The following DNAH11 variants were observed in gnomAD, a reference collection of about 807,000 sequenced individuals.
DNAH11 encodes the protein axonemal beta dynein heavy chain 11.
A neutral mutation model predicts 526.0 loss-of-function variants in DNAH11; 442 were observed. The ratio of observed to expected loss-of-function variants is 0.84; its 90% CI spans 0.78 to 0.91. The LOEUF is 0.91. Among genes scored for constraint, DNAH11 ranks in the 40% least tolerant of loss-of-function variants. DNAH11 has a pLI of 0.00. For synonymous variants in DNAH11, 2,461 were observed against 1,935.9 expected, an observed-to-expected ratio of 1.27 and a Z score of -7.12; for missense variants, 6,989 against 5,448.7, an observed-to-expected ratio of 1.28 and a Z score of -8.90.
At chr7:21,622,509 C>T (rs1215034099) in intron 25 of DNAH11, among the ~76,000 whole-genome samples, 2 of 152,140 alleles carry the variant, frequency 1.3e-5, no homozygotes, top group Non-Finnish European at 2.9e-5. Flanking sequence ...CCCGCATTGC[C>T]AAGTCAATCC....
rs77707903 is a variant in DNAH11 at position 21,806,165 on chromosome 7, T to C, written c.10166-1718T>C. Among the ~76,000 whole-genome samples the C allele has an allele frequency of 9.5e-3, 1,442 of 152,340 alleles. 16 individuals carry two copies. The highest frequency in any genetic ancestry group is 0.033 in the African/African-American group (1,359 of 41,580). ...AGCCAATGTCAGTAATGATTTATGTTGCATGGATACTATAGCAAAATTATT... is the reference window on the plus strand; with the variant it reads ...AGCCAATGTCAGTAATGATTTATGTCGCATGGATACTATAGCAAAATTATT... On this transcript the variant is annotated intron_variant, in intron 62 of 81. Coordinates refer to ENST00000409508, the MANE Select transcript of DNAH11 (RefSeq NM_001277115.2).
Position 21,742,130 on chromosome 7 carries a change from C to T in DNAH11, c.8118C>T (p.Tyr2706=), listed in dbSNP as rs1785933650. ...TACCCACGGCTATTAAATTCCACTA[C>T]ATCTTTAATCTGAGAGATTTATCAA... ...NFLPTAIKFH[Y]IFNLRDLSNV... is the part of the protein sequence containing the mutation. Residue 2706 remains tyrosine (Y), a synonymous_variant, in exon 49 of 82, where the codon TAC becomes TAT. Coordinates refer to ENST00000409508, the MANE Select transcript of DNAH11 (RefSeq NM_001277115.2). 6.2e-7 allele frequency: 1 copy of T among 1,613,882 alleles called. No homozygotes were observed. The highest frequency in any genetic ancestry group is 8.5e-7 in the Non-Finnish European group (1 of 1,179,816).
chr7:21,669,739 AG>A (rs2128469014), intron 30 of DNAH11, among the ~76,000 whole-genome samples: 1 of 152,070 alleles, frequency 6.6e-6, no homozygotes, highest in East Asian at 1.9e-4. Context: ...GTTTCTCTCA[AG>A]GTGCTTCATG....
intron 65 of DNAH11, among the ~76,000 whole-genome samples, chr7:21,826,412 A>AATAG: frequency 6.6e-6 from 1 of 152,320 alleles, no homozygotes; most frequent in South Asian, 2.1e-4. Flanking sequence ...AAAAGTTGGG[A>AATAG]GAAAATATAA....
rs1447263462 is a variant in DNAH11 at position 21,543,139 on chromosome 7, C to T, written c.-107C>T. On this transcript the variant is annotated 5_prime_UTR_variant, in exon 1 of 82. Coordinates refer to ENST00000409508, the MANE Select transcript of DNAH11 (RefSeq NM_001277115.2). ...AGACTAGGGTCTGCGCTCGCGGCGA[C>T]CGCGGAGGAGGGTGGGCGCCTGCGG... 5.6e-6 allele frequency: 8 copies of T among 1,433,804 alleles called. No individual in the cohort carries two copies. The highest frequency in any genetic ancestry group is 4.5e-6 in the Non-Finnish European group (5 of 1,101,098). The allele number at this position is 1,433,804 out of a possible 1,614,324, so 88.8% of individuals were successfully genotyped here. A position where few individuals can be genotyped will look rare whatever the true frequency, so the allele number is the denominator to read the frequency against.
intron 44 of DNAH11, among the ~76,000 whole-genome samples, chr7:21,724,358 A>C (rs745675597): frequency 6.6e-6 from 1 of 152,218 alleles, no homozygotes; most frequent in Non-Finnish European, 1.5e-5. Flanking sequence ...ATGGTGGGGC[A>C]AGCTCTCCCT....
chr7:21,814,613 G>T (rs10254186), intron 63 of DNAH11, among the ~76,000 whole-genome samples: 60,982 of 149,516 alleles, frequency 0.41, 13,194 homozygotes, highest in East Asian at 0.82. Context: ...AGAATATGCG[G>T]TGTTTGGTTT....
intron 22 of DNAH11, 67 bp from the exon 23 acceptor site, chr7:21,617,552 A>G: frequency 6.5e-7 from 1 of 1,548,188 alleles, no homozygotes; most frequent in African/African-American, 1.4e-5. Context: ...ATGTCAAAGG[A>G]GGCAAATTAT....
chr7:21,681,502 T>C, intron 30 of DNAH11, 44 bp from the exon 31 acceptor site: 1 of 1,586,802 alleles, frequency 6.3e-7, no homozygotes, highest in Non-Finnish European at 8.6e-7. Flanking sequence ...TTAAATTCTG[T>C]ATTTGTAACC....
In DNAH11 at chr7:21,838,312, C is replaced by T. The variant is rs148937394; in HGVS notation, c.10692-4232C>T. Among the ~76,000 whole-genome samples, 515 of 152,340 alleles carry T rather than the reference C, an allele frequency of 3.4e-3. 2 individuals are homozygous for T. The highest frequency in any genetic ancestry group is 0.012 in the African/African-American group (487 of 41,582). On this transcript the variant is annotated intron_variant, in intron 65 of 81. Transcript: ENST00000409508. Reference sequence around the variant, plus strand: ...CTGTATTAGCATGGTAACTTACAGACTGATAAAAGCCCAAATGTTAATGAT... The same window carrying T: ...CTGTATTAGCATGGTAACTTACAGATTGATAAAAGCCCAAATGTTAATGAT...
intron 2 of DNAH11, among the ~76,000 whole-genome samples, chr7:21,556,663 T>C (rs559712113): frequency 2.6e-5 from 4 of 152,318 alleles, no homozygotes; most frequent in East Asian, 1.9e-4. Context: ...TCTTTAGTCC[T>C]CACCCTCCTT....
Position 21,894,933 on chromosome 7 carries a change from G to C in DNAH11, c.12983G>C (p.Ser4328Thr), listed in dbSNP as rs1784454714. The C allele has an allele frequency of 1.9e-6, 3 of 1,613,880 alleles. No individual in the cohort carries two copies. Among genetic ancestry groups the C allele is most frequent in the African/African-American group, 2.7e-5 (2 of 74,946 alleles). ...GTGGAAGCCCAGCAGTTTGCATTGAGTTATGACACGGTACCAGACACTTGG... is the reference window on the plus strand; with the variant it reads ...GTGGAAGCCCAGCAGTTTGCATTGACTTATGACACGGTACCAGACACTTGG... ...PAVEAQQFAL[S>T]YDTVPDTWSK... Residue 4328 changes from serine to threonine, a missense_variant, in exon 79 of 82, where the codon AGT becomes ACT. Coordinates refer to ENST00000409508, the MANE Select transcript of DNAH11 (RefSeq NM_001277115.2).
At chr7:21,609,448 G>T (rs775393734) in intron 20 of DNAH11, among the ~76,000 whole-genome samples, 8 of 152,124 alleles carry the variant, frequency 5.3e-5, no homozygotes, top group Non-Finnish European at 8.8e-5. Context: ...TTGAACTCTT[G>T]ACCTCCAGTG....
At chr7:21,612,554 CAAAAAAA>C (rs34356379) in intron 20 of DNAH11, among the ~76,000 whole-genome samples, 6 of 81,232 alleles carry the variant, frequency 7.4e-5, no homozygotes, top group African/African-American at 1.0e-4. Flanking sequence ...GGCTCCGTCT[CAAAAAAA>C]AAAAAAAAAA....
intron 66 of DNAH11, among the ~76,000 whole-genome samples, chr7:21,845,975 T>C (rs1006734247): frequency 6.6e-6 from 1 of 152,158 alleles, no homozygotes; most frequent in Non-Finnish European, 1.5e-5. Flanking sequence ...TACCTAAGTG[T>C]TTCAGTTGTT....
At chr7:21,854,214 A>G (rs556928381) in intron 67 of DNAH11, 101 bp from the exon 68 acceptor site, 285 of 1,260,374 alleles carry the variant, frequency 2.3e-4, no homozygotes, top group Middle Eastern at 5.7e-4. Context: ...CTATTTTAAT[A>G]CTCATAATTT....
At chr7:21,742,289 G>A in intron 49 of DNAH11, 123 bp downstream of exon 49, 1 of 1,177,884 alleles carries the variant, frequency 8.5e-7, no homozygotes, top group Non-Finnish European at 1.2e-6. Context: ...AAAGAAAAGA[G>A]GTTTAATTGG....
chr7:21,742,539 A>G (rs550264014), intron 49 of DNAH11, among the ~76,000 whole-genome samples: 1 of 152,246 alleles, frequency 6.6e-6, no homozygotes, highest in African/African-American at 2.4e-5. Flanking sequence ...ACCATTGATG[A>G]AGGATCTGCC....
chr7:21,583,904 C>A (rs984094869), intron 9 of DNAH11, among the ~76,000 whole-genome samples: 1 of 152,054 alleles, frequency 6.6e-6, no homozygotes, highest in African/African-American at 2.4e-5. Flanking sequence ...GTTAGAATGG[C>A]GATCATTAAA....
Sources: gnomAD v4.1 joint callset for allele counts (sites outside exome capture counted in the v4.1 genomes callset) on GRCh38, gnomAD v4.1.1 for gene constraint, MANE v1.5 for transcripts, NCBI Gene and HGNC (gene_info 2026-07-23, HGNC 2026-07-21) for gene names.